BANP: variants seen among roughly 807,000 people sequenced by gnomAD.
BANP encodes the protein protein BANP.
Under a neutral mutation model 68.1 loss-of-function variants are expected in BANP, and 11 were observed. That is an observed-to-expected ratio of 0.16 (90% confidence interval 0.10 to 0.27). BANP has a LOEUF of 0.27. BANP is among the 10% of genes least tolerant of loss of function. The probability of loss-of-function intolerance (pLI) is 1.00; values close to 1 mark genes in which losing one functional copy is unlikely to be tolerated. For missense variants in BANP, 504 were observed against 722.7 expected (o/e 0.70, Z 3.47); for synonymous variants, 329 against 303.2 (o/e 1.09, Z -0.88).
chr16:87,995,485 T>TA (rs1359542335), intron 4 of BANP, among the ~76,000 whole-genome samples: 5 of 152,172 alleles, frequency 3.3e-5, no homozygotes, highest in African/African-American at 1.2e-4. Flanking sequence ...AAGAAAAAAT[T>TA]ACTTAATTCT....
chr16:88,073,325 C>T (rs1567951242), intron 13 of BANP, among the ~76,000 whole-genome samples: 3 of 152,202 alleles, frequency 2.0e-5, no homozygotes, highest in Non-Finnish European at 2.9e-5. Flanking sequence ...GACCCGTGTC[C>T]TGTAGAAGGT....
At chr16:87,964,810 G>A (rs1413486957) in intron 1 of BANP, among the ~76,000 whole-genome samples, 4 of 152,214 alleles carry the variant, frequency 2.6e-5, no homozygotes, top group African/African-American at 9.7e-5. Flanking sequence ...AACCCAGGAG[G>A]CCTGAGGTTT....
At chr16:87,951,291 C>G (rs1419660050), upstream of BANP, 1 of 152,198 alleles carries the variant, frequency 6.6e-6, no homozygotes, top group African/African-American at 2.4e-5. Flanking sequence ...CCTGCGCATG[C>G]TCACCAGGAG....
At chr16:88,051,098 C>A (rs1385633801) in intron 11 of BANP, among the ~76,000 whole-genome samples, 1 of 152,244 alleles carries the variant, frequency 6.6e-6, no homozygotes, top group East Asian at 1.9e-4. Context: ...CTCTTGCTGC[C>A]ACAGCCAAGC....
At position 87,970,932 on chromosome 16, in the gene BANP, G is replaced by A. The variant is rs1017929486; in HGVS notation, c.-68-4116G>A. ...CTCGGGAGGCTGAGGCTGGAGAATC[G>A]CTTGAACCCAGGAGGCGGAGGTTTC... is the stretch of plus-strand genomic sequence containing the variant. On this transcript the variant is annotated intron_variant, in intron 1 of 13. Coordinates refer to ENST00000682872, the MANE Select transcript of BANP (RefSeq NM_001386991.1). Among the ~76,000 whole-genome samples, 5 of 150,638 alleles carry A rather than the reference G, an allele frequency of 3.3e-5. No individual in the cohort carries two copies. The East Asian group carries it at 5.9e-4, about 18-fold the overall frequency.
At chr16:87,995,589 ATTACT>A (rs753948696) in intron 4 of BANP, among the ~76,000 whole-genome samples, 54 of 152,242 alleles carry the variant, frequency 3.5e-4, no homozygotes, top group Non-Finnish European at 1.2e-4. Context: ...CTTGATGATA[ATTACT>A]TTAATTATAA....
chr16:87,993,437 A>G (rs1435752758), intron 4 of BANP, among the ~76,000 whole-genome samples: 4 of 152,132 alleles, frequency 2.6e-5, no homozygotes, highest in Non-Finnish European at 4.4e-5. Flanking sequence ...GTGCTCATGG[A>G]GATGTATTTT....
intron 11 of BANP, among the ~76,000 whole-genome samples, chr16:88,060,180 G>A (rs976861862): frequency 6.6e-6 from 1 of 152,276 alleles, no homozygotes; most frequent in Admixed American, 6.5e-5. Context: ...CTGTCGGCAC[G>A]AGTGGCAAGG....
chr16:87,974,903 G>A (rs971999763), intron 1 of BANP, 145 bp from the exon 2 acceptor site: 1 of 560,038 alleles, frequency 1.8e-6, no homozygotes, highest in Non-Finnish European at 3.2e-6. Flanking sequence ...AACCTTTTGG[G>A]GGTTTGAGGC....
At chr16:88,054,167 CCAT>C (rs1160400622) in intron 11 of BANP, among the ~76,000 whole-genome samples, 3,115 of 97,538 alleles carry the variant, frequency 0.032, 147 homozygotes, top group African/African-American at 0.082. Flanking sequence ...ACCATCATCT[CCAT>C]CATCATCATC....
intron 7 of BANP, among the ~76,000 whole-genome samples, chr16:88,019,111 G>T (rs1598482068): frequency 6.6e-6 from 1 of 152,286 alleles, no homozygotes; most frequent in East Asian, 1.9e-4. Flanking sequence ...GCCGTGCCAG[G>T]GCCTCAGCGC....
chr16:87,972,148 T>G (rs2061244457), intron 1 of BANP, among the ~76,000 whole-genome samples: 1 of 152,160 alleles, frequency 6.6e-6, no homozygotes, highest in Non-Finnish European at 1.5e-5. Context: ...TTTTCCTGTC[T>G]TATGTGCTAC....
intron 13 of BANP, among the ~76,000 whole-genome samples, chr16:88,073,564 G>C (rs1459219809): frequency 6.6e-6 from 1 of 152,166 alleles, no homozygotes; most frequent in African/African-American, 2.4e-5. Context: ...CGGGTGGGTG[G>C]GATGGTGAAG....
chr16:88,028,619 C>A, intron 8 of BANP, among the ~76,000 whole-genome samples: 1 of 152,222 alleles, frequency 6.6e-6, no homozygotes. Context: ...CTAGGCCTTT[C>A]TACTACAATG....
At chr16:87,955,710 C>T (rs1439235122) in intron 1 of BANP, among the ~76,000 whole-genome samples, 1 of 152,116 alleles carries the variant, frequency 6.6e-6, no homozygotes, top group Non-Finnish European at 1.5e-5. Flanking sequence ...AAACTGTAGC[C>T]TCTCGGTGGA....
At position 88,071,988 on chromosome 16, in the gene BANP, T is replaced by C. The variant is rs1336069265; in HGVS notation, c.1378-81T>C. ...GGGACAGCACGTGTGGGCTGGGGTC[T>C]GCGGTCTGTGGAGCCATGTGGGTTG... is the stretch of plus-strand genomic sequence containing the variant. On this transcript the variant is annotated intron_variant, in intron 12 of 13. Transcript: ENST00000682872. The surrounding 1 kb of genome is among the most constrained non-coding windows in gnomAD (Gnocchi z 6.5). 2 of 1,523,736 alleles carry C rather than the reference T, an allele frequency of 1.3e-6. No homozygotes were observed. The highest frequency in any genetic ancestry group is 1.8e-6 in the Non-Finnish European group (2 of 1,136,198). 94.4% of individuals were successfully genotyped at this position (1,523,736 alleles called of 1,614,324 possible).
At chr16:88,066,081 C>T (rs1402577727) in intron 12 of BANP, among the ~76,000 whole-genome samples, 2 of 152,184 alleles carry the variant, frequency 1.3e-5, no homozygotes, top group African/African-American at 2.4e-5. Context: ...AGGTGCAGGG[C>T]GAGCTGTGCC....
chr16:88,032,634 G>A (rs2078447697), intron 8 of BANP, among the ~76,000 whole-genome samples: 1 of 152,246 alleles, frequency 6.6e-6, no homozygotes, highest in Admixed American at 6.5e-5. Flanking sequence ...AATTATGATT[G>A]AGACATCATT....
intron 1 of BANP, among the ~76,000 whole-genome samples, chr16:87,971,256 G>GCCTCGCATGCTGTT (rs1555542106): frequency 1.3e-5 from 2 of 151,822 alleles, no homozygotes; most frequent in Non-Finnish European, 2.9e-5. Context: ...TTAGCACATA[G>GCCTCGCATGCTGTT]CCTTCATCTC....
Sources: gnomAD v4.1 joint callset for allele counts (sites outside exome capture counted in the v4.1 genomes callset) on GRCh38, gnomAD v4.1.1 for gene constraint, Gnocchi (gnomAD v3.1) non-coding constraint, MANE v1.5 for transcripts, NCBI Gene and HGNC (gene_info 2026-07-23, HGNC 2026-07-21) for gene names.